LRP1B: variants seen among roughly 807,000 people sequenced by gnomAD.
LRP1B encodes the protein low-density lipoprotein receptor-related protein 1B.
LRP1B carries 217 observed loss-of-function variants against 556.6 expected under a neutral mutation model. The ratio of observed to expected loss-of-function variants is 0.39; its 90% CI spans 0.35 to 0.44. The LOEUF is 0.44. LRP1B is among the 20% of genes least tolerant of loss of function. The pLI is 1.00. For missense variants in LRP1B, 5,053 were observed against 5,620.8 expected (o/e 0.90, Z 3.23); for synonymous variants, 2,047 against 1,865.8 (o/e 1.10, Z -2.50).
chr2:140,270,360 GAAAA>G lies in LRP1B; in HGVS notation c.13143-18_13143-15del, dbSNP rs762280754. The G allele has an allele frequency of 6.6e-7, 1 of 1,514,850 alleles. No individual in the cohort carries two copies. Among genetic ancestry groups the G allele is most frequent in the East Asian group, 2.3e-5 (1 of 44,212 alleles). The allele number at this position is 1,514,850 out of a possible 1,614,324, so 93.8% of individuals were successfully genotyped here. A position where few individuals can be genotyped will look rare whatever the true frequency, so the allele number is the denominator to read the frequency against. ...CCATTAGTGCAGCTGCAACAACAAA[GAAAA>G]AAAGAACAATTTCATTGTTATTGGC... On this transcript the variant is annotated splice_polypyrimidine_tract_variant and intron_variant, in intron 85 of 90. Transcript: ENST00000389484.
intron 43 of LRP1B, among the ~76,000 whole-genome samples, chr2:140,561,160 G>A (rs1044168581): frequency 8.5e-5 from 13 of 152,078 alleles, no homozygotes; most frequent in African/African-American, 2.2e-4. Context: ...ACAGCCAGCC[G>A]TAAAAGGTAG....
At chr2:141,176,313 A>T (rs570536630) in intron 7 of LRP1B, among the ~76,000 whole-genome samples, 1 of 152,196 alleles carries the variant, frequency 6.6e-6, no homozygotes, top group African/African-American at 2.4e-5. Context: ...CTCATGTCCC[A>T]TTGTAATCCC....
chr2:141,467,801 TTTTG>T (rs71338142), intron 3 of LRP1B, among the ~76,000 whole-genome samples: 9,023 of 119,574 alleles, frequency 0.075, 582 homozygotes, highest in South Asian at 0.17. Flanking sequence ...GCACACTGCT[TTTTG>T]TTTGTTTGTT....
intron 3 of LRP1B, among the ~76,000 whole-genome samples, chr2:141,294,811 C>T (rs532844280): frequency 6.6e-6 from 1 of 150,474 alleles, no homozygotes; most frequent in Non-Finnish European, 1.5e-5. Context: ...TGCTATTTTT[C>T]AGAAATTCAA....
At chr2:141,671,460 C>T (rs558956573) in intron 2 of LRP1B, among the ~76,000 whole-genome samples, 18 of 152,142 alleles carry the variant, frequency 1.2e-4, no homozygotes, top group South Asian at 2.1e-4. Flanking sequence ...AGCCTGATTC[C>T]GCAGGGGAAC....
intron 35 of LRP1B, among the ~76,000 whole-genome samples, chr2:140,763,462 A>G (rs1188094523): frequency 6.6e-6 from 1 of 152,088 alleles, no homozygotes; most frequent in Non-Finnish European, 1.5e-5. Flanking sequence ...CGGTGTCAAG[A>G]TCTTTCCCTT....
intron 3 of LRP1B, among the ~76,000 whole-genome samples, chr2:141,284,735 T>C (rs1433580700): frequency 6.6e-6 from 1 of 152,228 alleles, no homozygotes; most frequent in Non-Finnish European, 1.5e-5. Context: ...TTTTTCCACC[T>C]TGGCTTGTTT....
At chr2:141,352,898 A>C (rs1688494390) in intron 3 of LRP1B, among the ~76,000 whole-genome samples, 1 of 151,992 alleles carries the variant, frequency 6.6e-6, no homozygotes. Flanking sequence ...GAAATTAAAT[A>C]GTTTATATAT....
chr2:141,179,561 C>T (rs1418191856), intron 7 of LRP1B, among the ~76,000 whole-genome samples: 6 of 151,884 alleles, frequency 4.0e-5, no homozygotes, highest in Non-Finnish European at 7.4e-5. Context: ...ATGGGTTTAC[C>T]TCTGCACAAT....
At chr2:140,589,042 A>G (rs1682111509) in intron 43 of LRP1B, among the ~76,000 whole-genome samples, 1 of 152,210 alleles carries the variant, frequency 6.6e-6, no homozygotes, top group Non-Finnish European at 1.5e-5. Context: ...AAATGCAAAA[A>G]TAAGTTCAAA....
intron 35 of LRP1B, among the ~76,000 whole-genome samples, chr2:140,718,380 T>C (rs141914366): frequency 6.6e-6 from 1 of 152,018 alleles, no homozygotes; most frequent in African/African-American, 2.4e-5. Context: ...AAGCATTTTT[T>C]GTTCACTTTT....
chr2:140,451,388 A>G (rs1686881039), intron 62 of LRP1B, among the ~76,000 whole-genome samples: 1 of 152,224 alleles, frequency 6.6e-6, no homozygotes, highest in Admixed American at 6.5e-5. Flanking sequence ...GCTATCAGGA[A>G]TATCAGGAAG....
chr2:141,597,674 G>C (rs1250673950), intron 2 of LRP1B, among the ~76,000 whole-genome samples: 1 of 151,892 alleles, frequency 6.6e-6, no homozygotes, highest in African/African-American at 2.4e-5. Flanking sequence ...GTTTCTTTCT[G>C]GATCCTTTAT....
At chr2:141,968,953 T>C (rs1318194385) in intron 1 of LRP1B, among the ~76,000 whole-genome samples, 1 of 151,670 alleles carries the variant, frequency 6.6e-6, no homozygotes, top group East Asian at 1.9e-4. Context: ...ATTTCTTTTT[T>C]TCTTTTTTTT....
chr2:140,717,482 A>G lies in LRP1B; in HGVS notation c.5759-666T>C, dbSNP rs1687253126. Among the ~76,000 whole-genome samples the G allele has an allele frequency of 2.0e-5, 3 of 152,080 alleles. No individual in the cohort carries two copies. In the South Asian group the frequency reaches 6.2e-4, roughly 31 times the overall value. ...AATACTTGAAGAATTGTTCTATGTGATCACAGAGTCTTTATATAAGAGTAC... is the reference window on the plus strand; with the variant it reads ...AATACTTGAAGAATTGTTCTATGTGGTCACAGAGTCTTTATATAAGAGTAC... On this transcript the variant is annotated intron_variant, in intron 35 of 90. Coordinates refer to ENST00000389484, the MANE Select transcript of LRP1B (RefSeq NM_018557.3).
intron 32 of LRP1B, among the ~76,000 whole-genome samples, chr2:140,781,889 G>A (rs906324153): frequency 5.9e-5 from 9 of 152,188 alleles, no homozygotes; most frequent in Admixed American, 1.3e-4. Context: ...TTTCCTTATC[G>A]TTTCATTTGT....
intron 31 of LRP1B, among the ~76,000 whole-genome samples, chr2:140,825,776 C>A (rs1450678991): frequency 6.6e-6 from 1 of 152,040 alleles, no homozygotes; most frequent in Non-Finnish European, 1.5e-5. Flanking sequence ...TTTGAACCAA[C>A]ATAAACACAA....
At chr2:140,365,447 C>A (rs1027245241) in intron 71 of LRP1B, among the ~76,000 whole-genome samples, 1 of 151,638 alleles carries the variant, frequency 6.6e-6, no homozygotes, top group African/African-American at 2.4e-5. Flanking sequence ...ATATAAAATT[C>A]TTAAGTACAT....
At chr2:140,723,447 T>G (rs950499430) in intron 35 of LRP1B, among the ~76,000 whole-genome samples, 2 of 152,180 alleles carry the variant, frequency 1.3e-5, no homozygotes, top group Admixed American at 1.3e-4. Context: ...TATTGACTAT[T>G]GAATTAAGAG....
Sources: allele counts gnomAD v4.1 joint callset (sites outside exome capture counted in the v4.1 genomes callset), GRCh38; gene constraint gnomAD v4.1.1; transcripts MANE v1.5; gene names NCBI Gene and HGNC (gene_info 2026-07-23, HGNC 2026-07-21).